Variants in DGKI observed in about 807,000 individuals in gnomAD.
DGKI encodes DAG kinase iota.
In DGKI, 55 loss-of-function variants were observed where a neutral mutation model predicts 147.5. The observed-to-expected ratio is 0.37, with a 90% CI of 0.30 to 0.47. The LOEUF (loss-of-function observed/expected upper bound fraction) is 0.47. DGKI is among the 20% of genes least tolerant of loss of function. The pLI is 1.00. For missense variants in DGKI, 1,007 were observed against 1,323.8 expected (o/e 0.76, Z 3.71); for synonymous variants, 469 against 477.1 (o/e 0.98, Z 0.22).
At chr7:137,445,488 T>C (rs1040666031) in intron 27 of DGKI, among the ~76,000 whole-genome samples, 2 of 152,248 alleles carry the variant, frequency 1.3e-5, no homozygotes, top group South Asian at 2.1e-4. Context: ...CTGGGTAGGG[T>C]TGATTTATCC....
At chr7:137,458,722 T>C (rs941421606) in intron 27 of DGKI, among the ~76,000 whole-genome samples, 2 of 152,184 alleles carry the variant, frequency 1.3e-5, no homozygotes, top group African/African-American at 4.8e-5. Flanking sequence ...ACAACTCAAA[T>C]AGATTTGGTC....
rs1385477151 is a variant in DGKI at position 137,387,082 on chromosome 7, C to G, written c.*4138G>C. 1 of 152,122 alleles carries G rather than the reference C, an allele frequency of 6.6e-6. No homozygotes were observed. The highest frequency in any genetic ancestry group is 1.5e-5 in the Non-Finnish European group (1 of 68,000). The allele number at this position is 152,122 out of a possible 1,614,324, so 9.4% of individuals were successfully genotyped here. ...AAGACAAGCTGCTCAGACCCCCATA[C>G]TACACTGAAGTTACACCTTCCCGGA... On this transcript the variant is annotated 3_prime_UTR_variant, in exon 33 of 33. Transcript: ENST00000614521.
intron 5 of DGKI, among the ~76,000 whole-genome samples, chr7:137,650,248 T>C (rs1821977187): frequency 6.6e-6 from 1 of 152,180 alleles, no homozygotes; most frequent in African/African-American, 2.4e-5. Context: ...ATCAGTGACA[T>C]ACTCTGTGTT....
In DGKI at chr7:137,846,159, T is replaced by TCACA. The variant is rs1445573422; in HGVS notation, c.401+302_401+303insTGTG. Among the ~76,000 whole-genome samples, 53 of 130,130 alleles carry TCACA rather than the reference T, an allele frequency of 4.1e-4. No individual in the cohort carries two copies. The highest frequency in any genetic ancestry group is 4.2e-3 in the Middle Eastern group (1 of 240). The allele number at this position is 130,130 out of a possible 152,430, so 85.4% of individuals were successfully genotyped here. A position where few individuals can be genotyped will look rare whatever the true frequency, so the allele number is the denominator to read the frequency against. ...TTCTCTCTCTCTCTCTCTCTCTCTC[T>TCACA]CTCACACACACACACACACACACAC... On this transcript the variant is annotated intron_variant, in intron 1 of 32. Coordinates refer to ENST00000614521, the MANE Select transcript of DGKI (RefSeq NM_001321708.2). The surrounding 1 kb of genome is among the most constrained non-coding windows in gnomAD (Gnocchi z 4.0).
At chr7:137,754,921 T>G (rs1795634259) in intron 1 of DGKI, among the ~76,000 whole-genome samples, 1 of 152,202 alleles carries the variant, frequency 6.6e-6, no homozygotes, top group African/African-American at 2.4e-5. Context: ...CTTTCAGGGT[T>G]GTTTGACAGA....
chr7:137,515,404 A>C (rs554898790), intron 21 of DGKI, among the ~76,000 whole-genome samples: 7 of 152,332 alleles, frequency 4.6e-5, no homozygotes, highest in Non-Finnish European at 1.0e-4. Context: ...TAAGGTAAGC[A>C]GTCAATTAAT....
At chr7:137,696,840 GTCA>G (rs1474721199) in intron 1 of DGKI, among the ~76,000 whole-genome samples, 1 of 152,050 alleles carries the variant, frequency 6.6e-6, no homozygotes, top group Non-Finnish European at 1.5e-5. Context: ...CTTTACAGAG[GTCA>G]TCAAGTTAAG....
At chr7:137,508,219 CTTTTTTTTT>C (rs1171968411) in intron 21 of DGKI, among the ~76,000 whole-genome samples, 20 of 92,530 alleles carry the variant, frequency 2.2e-4, no homozygotes, top group African/African-American at 6.2e-4. Flanking sequence ...AGACAGGTTT[CTTTTTTTTT>C]TTTTTTTTTT....
At chr7:137,433,901 T>C (rs1372283280) in intron 28 of DGKI, among the ~76,000 whole-genome samples, 1 of 152,086 alleles carries the variant, frequency 6.6e-6, no homozygotes, top group East Asian at 1.9e-4. Context: ...GTGGATCACA[T>C]GAGGTCAGGA....
At chr7:137,400,468 C>A (rs1311625878) in intron 30 of DGKI, among the ~76,000 whole-genome samples, 1 of 152,198 alleles carries the variant, frequency 6.6e-6, no homozygotes, top group East Asian at 1.9e-4. Flanking sequence ...GTCTAAGCCT[C>A]TATGCAAGTG....
At chr7:137,647,277 T>G (rs1378506887) in intron 5 of DGKI, among the ~76,000 whole-genome samples, 1 of 152,194 alleles carries the variant, frequency 6.6e-6, no homozygotes, top group Non-Finnish European at 1.5e-5. Flanking sequence ...AAATATATGT[T>G]GATTGGGAAA....
intron 21 of DGKI, among the ~76,000 whole-genome samples, chr7:137,499,100 G>A (rs1251859646): frequency 6.6e-6 from 1 of 152,072 alleles, no homozygotes; most frequent in Non-Finnish European, 1.5e-5. Context: ...TTACACAGGG[G>A]GATTTAGATC....
chr7:137,653,792 A>G (rs1822120746), intron 5 of DGKI, among the ~76,000 whole-genome samples: 1 of 152,202 alleles, frequency 6.6e-6, no homozygotes, highest in South Asian at 2.1e-4. Context: ...AAGTATGCTT[A>G]TCAGAAATCA....
chr7:137,733,100 T>C (rs1794930270), intron 1 of DGKI, among the ~76,000 whole-genome samples: 1 of 151,980 alleles, frequency 6.6e-6, no homozygotes. Flanking sequence ...TAACATAAAA[T>C]GTATCATTTA....
At chr7:137,455,365 A>G (rs1217931209) in intron 27 of DGKI, among the ~76,000 whole-genome samples, 2 of 152,192 alleles carry the variant, frequency 1.3e-5, no homozygotes, top group African/African-American at 4.8e-5. Flanking sequence ...AATCATAGTA[A>G]TATTGAAAAC....
chr7:137,839,834 A>G (rs1271636527), intron 1 of DGKI, among the ~76,000 whole-genome samples: 39 of 152,216 alleles, frequency 2.6e-4, no homozygotes, highest in Admixed American at 2.6e-3. Context: ...CTGGAAATCT[A>G]AAGGCAAATT....
At chr7:137,787,219 A>G (rs920631812) in intron 1 of DGKI, among the ~76,000 whole-genome samples, 15 of 152,126 alleles carry the variant, frequency 9.9e-5, no homozygotes, top group Admixed American at 9.2e-4. Flanking sequence ...CACAATCTAT[A>G]CATCTGACAA....
At chr7:137,823,861 G>GT (rs1238386620) in intron 1 of DGKI, among the ~76,000 whole-genome samples, 1 of 152,188 alleles carries the variant, frequency 6.6e-6, no homozygotes, top group Non-Finnish European at 1.5e-5. Flanking sequence ...AGAATCATGA[G>GT]TAAGTCCATA....
chr7:137,802,603 A>T (rs1007146163), intron 1 of DGKI, among the ~76,000 whole-genome samples: 2 of 152,210 alleles, frequency 1.3e-5, no homozygotes, highest in African/African-American at 4.8e-5. Context: ...ATTAATTTGC[A>T]GAAGGTCCTG....
Sources: allele counts gnomAD v4.1 joint callset (sites outside exome capture counted in the v4.1 genomes callset), GRCh38; gene constraint gnomAD v4.1.1; non-coding constraint Gnocchi (gnomAD v3.1); transcripts MANE v1.5; gene names NCBI Gene and HGNC (gene_info 2026-07-23, HGNC 2026-07-21).